Variants in LOC400499 observed in about 807,000 individuals in gnomAD.
chr16:11,505,589 G>A, the LOC400499 span, among the ~76,000 whole-genome samples: 4 of 149,972 alleles, frequency 2.7e-5, no homozygotes, highest in Admixed American at 6.7e-5. Context: ...AAGTAGCCAC[G>A]ACCACAGGCA....
chr16:11,477,201 G>A, the LOC400499 span, among the ~76,000 whole-genome samples: 1 of 152,218 alleles, frequency 6.6e-6, no homozygotes, highest in Non-Finnish European at 1.5e-5. Context: ...CAAAGCATGT[G>A]GCTGGGACAT....
At chr16:11,415,788 G>A in the LOC400499 span, among the ~76,000 whole-genome samples, 7 of 152,094 alleles carry the variant, frequency 4.6e-5, no homozygotes, top group East Asian at 1.9e-4. Context: ...GAACTAGAGC[G>A]GCGTGGAGGT....
the LOC400499 span, chr16:11,399,566 G>T: frequency 2.5e-6 from 1 of 398,802 alleles, no homozygotes; most frequent in East Asian, 3.6e-5. Flanking sequence ...GGCCCCGCAG[G>T]CCTGGAGGCT....
At chr16:11,472,169 G>A in the LOC400499 span, 89 of 199,912 alleles carry the variant, frequency 4.5e-4, 1 homozygote, top group South Asian at 0.016. Context: ...AACTGCCCCA[G>A]CTGAGAACCC....
chr16:11,387,002 A>T, the LOC400499 span: 1 of 854,522 alleles, frequency 1.2e-6, no homozygotes. Flanking sequence ...GAAGTCCAGT[A>T]AGCTCTGGGC....
the LOC400499 span, among the ~76,000 whole-genome samples, chr16:11,455,334 G>C: frequency 6.6e-6 from 1 of 152,072 alleles, no homozygotes; most frequent in African/African-American, 2.4e-5. Context: ...AAGGCCTAAA[G>C]CTGAAAAATC....
At chr16:11,432,990 T>A in the LOC400499 span, among the ~76,000 whole-genome samples, 78 of 152,314 alleles carry the variant, frequency 5.1e-4, no homozygotes, top group African/African-American at 1.8e-3. Flanking sequence ...CTTTTTAAAA[T>A]CTAGAACAAG....
At chr16:11,448,034 C>T in the LOC400499 span, 1 of 1,536,026 alleles carries the variant, frequency 6.5e-7, no homozygotes, top group Non-Finnish European at 8.7e-7. Context: ...CCCTGGGCAC[C>T]AATCCGCACA....
the LOC400499 span, among the ~76,000 whole-genome samples, chr16:11,474,049 A>C: frequency 1.0e-3 from 155 of 152,310 alleles, no homozygotes; most frequent in African/African-American, 3.6e-3. Context: ...TGTAGAGACA[A>C]GGTCTCACTA....
chr16:11,391,266 T>C, the LOC400499 span, among the ~76,000 whole-genome samples: 60,475 of 151,932 alleles, frequency 0.4, 12,408 homozygotes, highest in African/African-American at 0.44. Context: ...GCCACGAGGC[T>C]GGTTGGGGCA....
chr16:11,407,977 T>TC, the LOC400499 span, among the ~76,000 whole-genome samples: 1 of 137,534 alleles, frequency 7.3e-6, no homozygotes, highest in Non-Finnish European at 1.6e-5. Flanking sequence ...GCTGTTTTTT[T>TC]TTTTTTTTTT....
chr16:11,440,175 G>A, the LOC400499 span, among the ~76,000 whole-genome samples: 1 of 152,116 alleles, frequency 6.6e-6, no homozygotes, highest in South Asian at 2.1e-4. Context: ...TGAATGGACA[G>A]GAATGAACAC....
the LOC400499 span, chr16:11,487,175 A>G: frequency 2.5e-6 from 1 of 398,202 alleles, no homozygotes; most frequent in African/African-American, 2.1e-5. Context: ...CAAGGGATGG[A>G]TGGACAGACA....
the LOC400499 span, among the ~76,000 whole-genome samples, chr16:11,427,278 G>A: frequency 5.9e-3 from 862 of 145,452 alleles, 10 homozygotes; most frequent in African/African-American, 0.021. Context: ...CACAAGAATC[G>A]CAGAGGTTGC....
At chr16:11,503,084 G>C in the LOC400499 span, among the ~76,000 whole-genome samples, 1 of 151,234 alleles carries the variant, frequency 6.6e-6, no homozygotes, top group Non-Finnish European at 1.5e-5. Flanking sequence ...ACCACGCTCA[G>C]CTAATTTTTT....
At chr16:11,430,725 T>C in the LOC400499 span, among the ~76,000 whole-genome samples, 9 of 152,164 alleles carry the variant, frequency 5.9e-5, no homozygotes, top group Admixed American at 5.9e-4. Context: ...TATTCCAAAA[T>C]ATATGCCTGG....
the LOC400499 span, among the ~76,000 whole-genome samples, chr16:11,475,881 G>A: frequency 6.6e-6 from 1 of 152,192 alleles, no homozygotes; most frequent in Non-Finnish European, 1.5e-5. Flanking sequence ...TGGGCACAGG[G>A]ACAGATGCTG....
the LOC400499 span, among the ~76,000 whole-genome samples, chr16:11,509,120 C>CTTTT: frequency 8.4e-5 from 11 of 130,764 alleles, no homozygotes; most frequent in South Asian, 1.7e-3. Flanking sequence ...CCTTTTTTTT[C>CTTTT]TTTTTTTTTT....
At chr16:11,400,997 C>T in the LOC400499 span, among the ~76,000 whole-genome samples, 5 of 152,304 alleles carry the variant, frequency 3.3e-5, no homozygotes, top group East Asian at 1.9e-4. Context: ...CAATCAGAGA[C>T]GCCTGTACCT....
Sources: allele counts gnomAD v4.1 joint callset (sites outside exome capture counted in the v4.1 genomes callset), GRCh38; gene constraint gnomAD v4.1.1; transcripts MANE v1.5.